WDR91: variants seen among roughly 807,000 people sequenced by gnomAD.
The protein encoded by WDR91 is WD repeat-containing protein 91.
WDR91 carries 52 observed loss-of-function variants against 88.4 expected under a neutral mutation model. The ratio of observed to expected loss-of-function variants is 0.59; its 90% confidence interval spans 0.47 to 0.74. WDR91 has a LOEUF of 0.74. Among genes scored for constraint, WDR91 ranks in the 30% least tolerant of loss-of-function variants. The probability of loss-of-function intolerance (pLI) is 0.00; values close to 1 mark genes in which losing one functional copy is unlikely to be tolerated. For missense variants in WDR91, 824 were observed against 954.5 expected (o/e 0.86, Z 1.80); for synonymous variants, 362 against 389.5 (o/e 0.93, Z 0.83).
chr7:135,194,515 T>C (rs1377855392), intron 9 of WDR91, among the ~76,000 whole-genome samples: 2 of 152,242 alleles, frequency 1.3e-5, no homozygotes, highest in East Asian at 3.8e-4. Flanking sequence ...CACTGTACTA[T>C]TCCTGGGGAC....
chr7:135,195,039 C>G lies in WDR91; in HGVS notation c.1290G>C (p.Gly430=), dbSNP rs1831311350. ...GGTTGAAGGACCACACTTTGATGAC[C>G]CCATCTACGTCTAAGCTGGCGACTC... The part of the protein sequence containing the change: ...GRRVASLDVD[G]VIKVWSFNPI... The change falls in exon 9 of 15, where the codon GGG becomes GGC. Residue 430 remains glycine, a synonymous_variant. Transcript: ENST00000354475. The G allele has an allele frequency of 1.9e-6, 3 of 1,613,990 alleles. No individual in the cohort carries two copies. The highest frequency in any genetic ancestry group is 2.5e-6 in the Non-Finnish European group (3 of 1,180,022).
intron 4 of WDR91, 91 bp from the exon 5 acceptor site, chr7:135,206,149 C>T (rs1184205013): frequency 2.6e-6 from 4 of 1,555,528 alleles, no homozygotes; most frequent in African/African-American, 1.3e-5. Context: ...TCCAAGCCCA[C>T]TGGTCTGAGT....
rs1585418014 is a variant in WDR91, at chr7:135,196,406, G to C, written c.1051-69C>G. 2 of 1,406,478 alleles carry C rather than the reference G, an allele frequency of 1.4e-6. No individual in the cohort carries two copies. Among genetic ancestry groups the C allele is most frequent in the East Asian group, 2.6e-5 (1 of 38,300 alleles). 87.1% of individuals were successfully genotyped at this position (1,406,478 alleles called of 1,614,324 possible). A position where few individuals can be genotyped will look rare whatever the true frequency, so the allele number is the denominator to read the frequency against. On this transcript the variant is annotated intron_variant, in intron 7 of 14. Coordinates refer to ENST00000354475, the MANE Select transcript of WDR91 (RefSeq NM_014149.4). This position sits in a 1 kb window ranked among gnomAD's most constrained non-coding sequence, Gnocchi z 4.2. ...CCCACACCAGGGTGTACACCGCAGGGGGTCTAGGCCTAGGCTGCAGCATTT... is the reference window on the plus strand; with the variant it reads ...CCCACACCAGGGTGTACACCGCAGGCGGTCTAGGCCTAGGCTGCAGCATTT...
intron 3 of WDR91, 81 bp downstream of exon 3, chr7:135,208,710 G>C: frequency 7.6e-7 from 1 of 1,313,866 alleles, no homozygotes; most frequent in Non-Finnish European, 1.0e-6. Context: ...AGAAATGCCT[G>C]TATGGAGACC....
chr7:135,191,604 C>CAAA (rs10717249), intron 11 of WDR91, among the ~76,000 whole-genome samples: 1,303 of 81,280 alleles, frequency 0.016, 71 homozygotes, highest in African/African-American at 0.016. Context: ...GACTCCATCT[C>CAAA]AAAAAAAAAA....
At chr7:135,199,645 C>T (rs2117679741) in intron 6 of WDR91, 1 of 152,316 alleles carries the variant, frequency 6.6e-6, no homozygotes, top group African/African-American at 2.4e-5. Flanking sequence ...GTGCCGCTTC[C>T]ACATTTTGTG....
At chr7:135,192,111 T>TTTTG (rs1562947162) in intron 11 of WDR91, among the ~76,000 whole-genome samples, 1 of 10,556 alleles carries the variant, frequency 9.5e-5, no homozygotes, top group African/African-American at 1.2e-4. Flanking sequence ...CTGTTGTGTT[T>TTTTG]TTTTTTTTTT....
intron 4 of WDR91, 114 bp from the exon 5 acceptor site, chr7:135,206,172 A>T: frequency 7.4e-7 from 1 of 1,354,416 alleles, no homozygotes; most frequent in Non-Finnish European, 1.0e-6. Context: ...CACTCGCCTC[A>T]GCGTCAAGGG....
In WDR91 at chr7:135,184,985, C is replaced by G. The variant is rs930499614; in HGVS notation, c.*1166G>C. On this transcript the variant is annotated 3_prime_UTR_variant, in exon 15 of 15. Coordinates refer to ENST00000354475, the MANE Select transcript of WDR91 (RefSeq NM_014149.4). ...CCTGGGCTCAAGTGATTCTCCTGCC[C>G]CAGCCTCCAGAGTAGCTGGGATTAT... 3 of 152,078 alleles carry G rather than the reference C, an allele frequency of 2.0e-5. No individual in the cohort carries two copies. The highest frequency in any genetic ancestry group is 6.5e-5 in the Admixed American group (1 of 15,276). 9.4% of individuals were successfully genotyped at this position (152,078 alleles called of 1,614,324 possible). A position where few individuals can be genotyped will look rare whatever the true frequency, so the allele number is the denominator to read the frequency against.
chr7:135,205,800 C>A, intron 5 of WDR91, 128 bp downstream of exon 5: 1 of 1,374,110 alleles, frequency 7.3e-7, no homozygotes, highest in African/African-American at 1.4e-5. Flanking sequence ...GCAGTGTGTG[C>A]CAGGAGGCTC....
intron 1 of WDR91, among the ~76,000 whole-genome samples, chr7:135,210,512 A>T (rs1199610978): frequency 1.3e-5 from 2 of 152,238 alleles, no homozygotes; most frequent in East Asian, 3.8e-4. Flanking sequence ...AAGTCATCAA[A>T]GTTCCACGAA....
At chr7:135,194,058 G>A (rs1337346878) in intron 9 of WDR91, among the ~76,000 whole-genome samples, 7 of 152,018 alleles carry the variant, frequency 4.6e-5, no homozygotes, top group South Asian at 2.1e-4. Flanking sequence ...TACTCGCTTC[G>A]GCTGCCACAG....
rs1390265639 is a variant in WDR91, at chr7:135,211,499, C to T, written c.4G>A (p.Ala2Thr). 3 of 1,611,190 alleles carry T rather than the reference C, an allele frequency of 1.9e-6. No homozygotes were observed. Among genetic ancestry groups the T allele is most frequent in the Non-Finnish European group, 2.5e-6 (3 of 1,178,966 alleles). Residue 2 changes from alanine to threonine, a missense_variant, in exon 1 of 15, where the codon GCG (alanine) becomes ACG (threonine). Coordinates refer to ENST00000354475, the MANE Select transcript of WDR91 (RefSeq NM_014149.4). Reference sequence around the variant, plus strand: ...TCGTCAGTGCGCTCCACGGCCTCCGCCATCGCAGCGCTAGCGTCTTTAGGG... The same window carrying T: ...TCGTCAGTGCGCTCCACGGCCTCCGTCATCGCAGCGCTAGCGTCTTTAGGG... MAEAVERTDELV... is the reference protein window; with the variant it reads MTEAVERTDELV...
chr7:135,185,940 A>T lies in WDR91; in HGVS notation c.*211T>A. The T allele has an allele frequency of 1.9e-6, 1 of 534,630 alleles. No individual in the cohort carries two copies. Among genetic ancestry groups the T allele is most frequent in the Non-Finnish European group, 3.2e-6 (1 of 313,352 alleles). 33.1% of individuals were successfully genotyped at this position (534,630 alleles called of 1,614,324 possible). The stretch of plus-strand genomic sequence containing the variant: ...CATGTACTCCTGGCACAGCCACAAT[A>T]CCAGTCTCTGGGAAGCATATGTCAC... On this transcript the variant is annotated 3_prime_UTR_variant, in exon 15 of 15. Transcript: ENST00000354475.
At chr7:135,188,159 C>T (rs1331544305) in intron 13 of WDR91, among the ~76,000 whole-genome samples, 1 of 152,174 alleles carries the variant, frequency 6.6e-6, no homozygotes, top group African/African-American at 2.4e-5. Flanking sequence ...CCCAGCAAAG[C>T]AAACTCAGCC....
At position 135,187,280 on chromosome 7, in the gene WDR91, C is replaced by T. The variant is rs374656344; in HGVS notation, c.1882-111G>A. The T allele has an allele frequency of 1.8e-4, 193 of 1,091,684 alleles. 2 individuals carry two copies. Among genetic ancestry groups the T allele is most frequent in the Middle Eastern group, 9.1e-4 (3 of 3,288 alleles). The allele number at this position is 1,091,684 out of a possible 1,614,324, so 67.6% of individuals were successfully genotyped here. Reference sequence around the variant, plus strand: ...AGAGGCTGGCGAGGGCGACCCGCCTCCCCCAGCCACAGTGCTGACATCCTT... The same window carrying T: ...AGAGGCTGGCGAGGGCGACCCGCCTTCCCCAGCCACAGTGCTGACATCCTT... On this transcript the variant is annotated intron_variant, in intron 13 of 14. Transcript: ENST00000354475.
chr7:135,209,031 GGAGA>G (rs1831917358), intron 2 of WDR91, 33 bp from the exon 3 acceptor site: 1 of 1,594,326 alleles, frequency 6.3e-7, no homozygotes, highest in Non-Finnish European at 8.6e-7. Flanking sequence ...CAAGGAGGGA[GGAGA>G]GACAGAAATC....
chr7:135,194,802 T>C, intron 9 of WDR91, 132 bp downstream of exon 9: 1 of 1,253,538 alleles, frequency 8.0e-7, no homozygotes, highest in African/African-American at 1.5e-5. Flanking sequence ...CCTGGATGTG[T>C]GTCCCTGAAT....
intron 11 of WDR91, among the ~76,000 whole-genome samples, chr7:135,192,098 T>C (rs1267895483): frequency 1.4e-5 from 2 of 143,790 alleles, no homozygotes; most frequent in African/African-American, 5.1e-5. Context: ...AGAACCCCAA[T>C]TTCTGTTGTG....
Sources: allele counts gnomAD v4.1 joint callset (sites outside exome capture counted in the v4.1 genomes callset), GRCh38; gene constraint gnomAD v4.1.1; non-coding constraint Gnocchi (gnomAD v3.1); transcripts MANE v1.5; gene names NCBI Gene and HGNC (gene_info 2026-07-23, HGNC 2026-07-21).